Variants in DMD observed in about 807,000 individuals in gnomAD.
The protein encoded by DMD is mutant dystrophin.
DMD carries 63 observed loss-of-function variants against 330.1 expected under a neutral mutation model. The observed-to-expected ratio is 0.19, with a 90% CI of 0.16 to 0.24. The LOEUF is 0.24. Ranked by LOEUF, DMD falls within the 10% of genes least tolerant of loss-of-function variation. The pLI is 1.00. For missense variants in DMD, 3,344 were observed against 2,684.1 expected (o/e 1.25, Z -5.43); for synonymous variants, 1,223 against 959.8 (o/e 1.27, Z -5.07).
intron 49 of DMD, among the ~76,000 whole-genome samples, chrX:31,827,052 T>C (rs2092909441): frequency 8.9e-6 from 1 of 112,372 alleles, no homozygotes; most frequent in South Asian, 3.6e-4. Context: ...AAATTTCTGC[T>C]TTATGAAGAA....
intron 7 of DMD, among the ~76,000 whole-genome samples, chrX:32,735,770 A>G (rs761872983): frequency 4.8e-4 from 54 of 112,090 alleles, no homozygotes; most frequent in African/African-American, 1.6e-3. Context: ...TCAATTCAAC[A>G]TGGATTAAAA....
At chrX:32,166,913 A>G (rs779481852) in intron 44 of DMD, among the ~76,000 whole-genome samples, 1 of 112,254 alleles carries the variant, frequency 8.9e-6, no homozygotes, top group African/African-American at 3.2e-5. Flanking sequence ...GAGCATTACC[A>G]TGTAGAATGG....
At chrX:32,448,929 T>A (rs1377049535) in intron 26 of DMD, among the ~76,000 whole-genome samples, 6 of 110,858 alleles carry the variant, frequency 5.4e-5, no homozygotes. Context: ...TTGATATAAA[T>A]ACAATTGTTT....
At chrX:31,649,277 G>A (rs1019887779) in intron 54 of DMD, among the ~76,000 whole-genome samples, 1 of 111,504 alleles carries the variant, frequency 9.0e-6, no homozygotes, top group Admixed American at 9.5e-5. Flanking sequence ...ATATTTTGGT[G>A]CGTTGGTTCA....
intron 1 of DMD, among the ~76,000 whole-genome samples, chrX:33,069,394 T>A (rs892299609): frequency 1.8e-5 from 2 of 111,906 alleles, no homozygotes; most frequent in Middle Eastern, 4.6e-3. Flanking sequence ...AAAATACTAG[T>A]TGCACAATGA....
At chrX:32,922,453 A>G (rs2146585223) in intron 2 of DMD, among the ~76,000 whole-genome samples, 1 of 112,049 alleles carries the variant, frequency 8.9e-6, no homozygotes, top group African/African-American at 3.2e-5. Context: ...GTGGTCCCCA[A>G]CCTTTTTAGC....
At chrX:33,050,362 G>T (rs1265636820) in intron 1 of DMD, among the ~76,000 whole-genome samples, 1 of 111,754 alleles carries the variant, frequency 8.9e-6, no homozygotes, top group East Asian at 2.8e-4. Context: ...ATGTAGAAAT[G>T]GAATAAACAT....
chrX:31,357,321 A>G (rs916120106), intron 60 of DMD, among the ~76,000 whole-genome samples: 10 of 109,933 alleles, frequency 9.1e-5, no homozygotes, highest in Non-Finnish European at 1.9e-4. Context: ...TTTCCAAGGA[A>G]CAAAAGTGGC....
At chrX:32,225,077 G>A (rs1240687386) in intron 43 of DMD, among the ~76,000 whole-genome samples, 1 of 111,834 alleles carries the variant, frequency 8.9e-6, no homozygotes, top group Non-Finnish European at 1.9e-5. Context: ...AGTTTTTATA[G>A]GTAAACTTGT....
chrX:32,347,221 T>A (rs2097767045), intron 38 of DMD, among the ~76,000 whole-genome samples: 1 of 111,618 alleles, frequency 9.0e-6, no homozygotes, highest in Non-Finnish European at 1.9e-5. Flanking sequence ...ACTTATAGTC[T>A]GTAAAAGACT....
chrX:32,679,853 A>C (rs1320930414), intron 9 of DMD, among the ~76,000 whole-genome samples: 1 of 106,423 alleles, frequency 9.4e-6, no homozygotes, highest in African/African-American at 3.5e-5. Flanking sequence ...AAACTGACAC[A>C]AGAAACGTTC....
chrX:31,639,196 C>T (rs1341324653), intron 54 of DMD, among the ~76,000 whole-genome samples: 1 of 111,244 alleles, frequency 9.0e-6, no homozygotes, highest in Non-Finnish European at 1.9e-5. Flanking sequence ...AAGAGGCATC[C>T]TAGAAATTGA....
intron 8 of DMD, 94 bp from the exon 9 acceptor site, chrX:32,698,092 A>C (rs1014660382): frequency 2.1e-6 from 2 of 932,692 alleles, no homozygotes; most frequent in Non-Finnish European, 3.0e-6. Flanking sequence ...AGAAAACAGA[A>C]CATTAAATGG....
intron 49 of DMD, among the ~76,000 whole-genome samples, chrX:31,829,456 A>AAT: frequency 9.6e-6 from 1 of 104,397 alleles, no homozygotes; most frequent in East Asian, 3.1e-4. Flanking sequence ...TTAAAAATAA[A>AAT]AAAAAATTTT....
chrX:32,929,144 G>C (rs2089358067), intron 2 of DMD, among the ~76,000 whole-genome samples: 2 of 111,118 alleles, frequency 1.8e-5, no homozygotes, highest in African/African-American at 6.6e-5. Context: ...TGTGGGAGTA[G>C]ATAATGAGTT....
intron 60 of DMD, among the ~76,000 whole-genome samples, chrX:31,435,040 ACTGT>A (rs752331471): frequency 8.0e-4 from 89 of 111,604 alleles, no homozygotes; most frequent in Non-Finnish European, 5.6e-4. Flanking sequence ...CCCCAGGCAG[ACTGT>A]CTGGGTTCAA....
At position 31,842,661 on chromosome X, in the gene DMD, C is replaced by T. The variant is rs367748431; in HGVS notation, c.7099-5842G>A. ...CTCCATCAGCAAAAAGATTAAGACT[C>T]ATTGAAGGCTCAGATGACTGCTAGC... On this transcript the variant is annotated intron_variant, in intron 48 of 78. Coordinates refer to ENST00000357033, the MANE Select transcript of DMD (RefSeq NM_004006.3). Among the ~76,000 whole-genome samples, 9 of 112,223 alleles carry T rather than the reference C, an allele frequency of 8.0e-5. No homozygotes were observed. The East Asian group carries it at 2.5e-3, about 31-fold the overall frequency.
At chrX:31,572,754 C>T (rs1004376436) in intron 55 of DMD, among the ~76,000 whole-genome samples, 2 of 112,315 alleles carry the variant, frequency 1.8e-5, no homozygotes, top group African/African-American at 6.5e-5. Flanking sequence ...TTCACAGTCT[C>T]ACTATCTTAC....
At chrX:31,821,923 C>A (rs747903279) in intron 49 of DMD, among the ~76,000 whole-genome samples, 1 of 112,165 alleles carries the variant, frequency 8.9e-6, no homozygotes, top group African/African-American at 3.2e-5. Flanking sequence ...ATGAACCCAA[C>A]CTAACTGGAA....
Sources: gnomAD v4.1 joint callset for allele counts (sites outside exome capture counted in the v4.1 genomes callset) on GRCh38, gnomAD v4.1.1 for gene constraint, MANE v1.5 for transcripts, NCBI Gene and HGNC (gene_info 2026-07-23, HGNC 2026-07-21) for gene names.